CDH13: variants seen among roughly 807,000 people sequenced by gnomAD.
The protein encoded by CDH13 is cadherin 13, also known as cadherin-13.
CDH13 carries 24 observed loss-of-function variants against 63.8 expected under a neutral mutation model. The ratio of observed to expected loss-of-function variants is 0.38; its 90% CI spans 0.27 to 0.53. CDH13 has a LOEUF of 0.53. CDH13 is among the 20% of genes least tolerant of loss of function. The probability of loss-of-function intolerance (pLI) is 0.85; values close to 1 mark genes in which losing one functional copy is unlikely to be tolerated. For missense variants in CDH13, 1,049 were observed against 903.1 expected (o/e 1.16, Z -2.07); for synonymous variants, 503 against 355.3 (o/e 1.42, Z -4.67).
chr16:83,384,846 C>T (rs2091641375), intron 6 of CDH13, among the ~76,000 whole-genome samples: 1 of 152,206 alleles, frequency 6.6e-6, no homozygotes, highest in Non-Finnish European at 1.5e-5. Context: ...AAGTCATTTC[C>T]ATCTATTATA....
At chr16:83,462,938 C>A (rs1003994460) in intron 6 of CDH13, among the ~76,000 whole-genome samples, 33 of 152,086 alleles carry the variant, frequency 2.2e-4, no homozygotes, top group Admixed American at 9.8e-4. Flanking sequence ...TGGAAATACA[C>A]CCTCCTCTCG....
intron 2 of CDH13, among the ~76,000 whole-genome samples, chr16:82,897,714 G>A (rs1431448070): frequency 1.3e-5 from 2 of 152,268 alleles, no homozygotes; most frequent in South Asian, 2.1e-4. Flanking sequence ...GGATAAAGAC[G>A]TGGAGAAATA....
chr16:83,693,006 C>G (rs1190770266), intron 10 of CDH13, among the ~76,000 whole-genome samples: 1 of 152,192 alleles, frequency 6.6e-6, no homozygotes, highest in African/African-American at 2.4e-5. Flanking sequence ...TCACTTGAAC[C>G]TGGGAGGCAG....
intron 5 of CDH13, among the ~76,000 whole-genome samples, chr16:83,262,831 C>A (rs1210037529): frequency 1.3e-5 from 2 of 152,162 alleles, no homozygotes; most frequent in Non-Finnish European, 2.9e-5. Flanking sequence ...TAAAAGCTTT[C>A]TCCCAACGCT....
chr16:83,430,794 C>G (rs1464658902), intron 6 of CDH13, among the ~76,000 whole-genome samples: 2 of 151,872 alleles, frequency 1.3e-5, no homozygotes, highest in East Asian at 1.9e-4. Flanking sequence ...ATTCTGCTTT[C>G]TTGTCTACTT....
chr16:83,529,617 G>A (rs1162440693), intron 7 of CDH13, among the ~76,000 whole-genome samples: 1 of 152,008 alleles, frequency 6.6e-6, no homozygotes, highest in Non-Finnish European at 1.5e-5. Context: ...GTTTTTATAG[G>A]ATTCTGTAAG....
intron 8 of CDH13, among the ~76,000 whole-genome samples, chr16:83,645,353 C>G (rs1911689565): frequency 6.6e-6 from 1 of 152,126 alleles, no homozygotes; most frequent in African/African-American, 2.4e-5. Flanking sequence ...AATGGGTACA[C>G]ATGAACATAA....
chr16:82,833,536 C>A (rs1007474338), intron 1 of CDH13, among the ~76,000 whole-genome samples: 1 of 152,240 alleles, frequency 6.6e-6, no homozygotes, highest in Non-Finnish European at 1.5e-5. Flanking sequence ...AAAGCATGGT[C>A]TGAGTGCTTC....
chr16:82,910,149 A>G (rs1375254258), intron 2 of CDH13, among the ~76,000 whole-genome samples: 1 of 152,186 alleles, frequency 6.6e-6, no homozygotes, highest in African/African-American at 2.4e-5. Context: ...CTGGGTGTCT[A>G]TGCTCATCAG....
intron 7 of CDH13, among the ~76,000 whole-genome samples, chr16:83,564,479 G>A (rs980744692): frequency 7.0e-6 from 1 of 143,788 alleles, no homozygotes; most frequent in Non-Finnish European, 1.5e-5. Flanking sequence ...CACAATCTCA[G>A]CTCACTGCAA....
At chr16:83,154,197 G>T in intron 4 of CDH13, among the ~76,000 whole-genome samples, 1 of 152,070 alleles carries the variant, frequency 6.6e-6, no homozygotes, top group East Asian at 1.9e-4. Context: ...TCCTAAGGGA[G>T]AGCTGCTTCT....
At chr16:82,941,788 G>C (rs1236801159) in intron 2 of CDH13, among the ~76,000 whole-genome samples, 1 of 152,058 alleles carries the variant, frequency 6.6e-6, no homozygotes, top group South Asian at 2.1e-4. Context: ...GCTATCACAT[G>C]GCATGATTAT....
intron 4 of CDH13, among the ~76,000 whole-genome samples, chr16:83,165,143 C>T (rs990248263): frequency 2.0e-4 from 30 of 151,794 alleles, no homozygotes; most frequent in African/African-American, 6.8e-4. Flanking sequence ...TTTAGGAATC[C>T]CTAAGAAGGA....
chr16:82,641,999 C>T (rs1052677010), intron 1 of CDH13, among the ~76,000 whole-genome samples: 3 of 150,688 alleles, frequency 2.0e-5, no homozygotes, highest in East Asian at 2.0e-4. Flanking sequence ...TTATTTTCAT[C>T]TGCTTCCCAA....
chr16:83,443,817 C>A (rs1310882517), intron 6 of CDH13, among the ~76,000 whole-genome samples: 2 of 142,444 alleles, frequency 1.4e-5, no homozygotes, highest in Non-Finnish European at 3.1e-5. Flanking sequence ...TGCCTGTAGT[C>A]CCAGCTACTC....
intron 6 of CDH13, among the ~76,000 whole-genome samples, chr16:83,444,278 C>T (rs1309641370): frequency 6.6e-6 from 1 of 152,102 alleles, no homozygotes; most frequent in African/African-American, 2.4e-5. Flanking sequence ...TGAACCCTTG[C>T]TAGGTAACAG....
chr16:83,489,620 C>G (rs1036910464), intron 7 of CDH13, among the ~76,000 whole-genome samples: 6 of 152,126 alleles, frequency 3.9e-5, no homozygotes, highest in Non-Finnish European at 8.8e-5. Flanking sequence ...GTGGAGTTCC[C>G]CAGAGTTTGC....
At chr16:82,651,553 A>G (rs1395493974) in intron 1 of CDH13, among the ~76,000 whole-genome samples, 4 of 152,252 alleles carry the variant, frequency 2.6e-5, no homozygotes, top group Non-Finnish European at 5.9e-5. Flanking sequence ...TCCTCTGGCC[A>G]GGTCCTGAGA....
intron 5 of CDH13, among the ~76,000 whole-genome samples, chr16:83,231,313 T>C (rs974205292): frequency 7.2e-5 from 11 of 152,180 alleles, no homozygotes. Context: ...TGAAAGAGCA[T>C]CTGTGCGTTG....
Sources: allele counts gnomAD v4.1 joint callset (sites outside exome capture counted in the v4.1 genomes callset), GRCh38; gene constraint gnomAD v4.1.1; transcripts MANE v1.5; gene names NCBI Gene and HGNC (gene_info 2026-07-23, HGNC 2026-07-21).